KIAA1217: variants seen among roughly 807,000 people sequenced by gnomAD.
KIAA1217 encodes the protein KIAA1217, also known as sickle tail protein homolog.
In KIAA1217, 88 loss-of-function variants were observed where a neutral mutation model predicts 163.9. The observed-to-expected ratio is 0.54, with a 90% CI of 0.45 to 0.64. The LOEUF is 0.64. Among genes scored for constraint, KIAA1217 ranks in the 30% least tolerant of loss-of-function variants. KIAA1217 has a pLI of 0.00. For synonymous variants in KIAA1217, 903 were observed against 923.1 expected, an observed-to-expected ratio of 0.98 and a Z score of 0.39; for missense variants, 2,372 against 2,475.0, an observed-to-expected ratio of 0.96 and a Z score of 0.88.
At chr10:24,080,104 C>T (rs1385199392) in intron 2 of KIAA1217, among the ~76,000 whole-genome samples, 1 of 152,222 alleles carries the variant, frequency 6.6e-6, no homozygotes, top group Non-Finnish European at 1.5e-5. Flanking sequence ...TCAAATCCTT[C>T]TTCTATTTAA....
At chr10:23,790,517 A>G (rs921325696) in intron 1 of KIAA1217, among the ~76,000 whole-genome samples, 1 of 112,752 alleles carries the variant, frequency 8.9e-6, no homozygotes, top group Non-Finnish European at 1.7e-5. Context: ...ATACATATGT[A>G]TATATACATA....
At chr10:24,123,770 T>C (rs1371889966) in intron 2 of KIAA1217, among the ~76,000 whole-genome samples, 1 of 152,198 alleles carries the variant, frequency 6.6e-6, no homozygotes, top group Non-Finnish European at 1.5e-5. Context: ...TAAGATCCAC[T>C]GGTTTTGTAT....
At chr10:24,391,365 G>A (rs573738774) in intron 3 of KIAA1217, among the ~76,000 whole-genome samples, 1 of 86,030 alleles carries the variant, frequency 1.2e-5, no homozygotes, top group African/African-American at 5.1e-5. Flanking sequence ...TTTTTTGTGA[G>A]ACGGAGTTTT....
chr10:24,327,917 C>T lies in KIAA1217; in HGVS notation c.355-52952C>T, dbSNP rs78735215. ...TATCATTAACCCATTTTCTCCAGGC[C>T]CGGGATTCTGGGTCTGATGTTCTGG... is the stretch of plus-strand genomic sequence containing the variant. On this transcript the variant is annotated intron_variant, in intron 2 of 20. Coordinates refer to ENST00000376454, the MANE Select transcript of KIAA1217 (RefSeq NM_019590.5). 4.3e-3 allele frequency among the ~76,000 whole-genome samples: 659 copies of T among 152,232 alleles called. 5 individuals are homozygous for T. The highest frequency in any genetic ancestry group is 0.015 in the African/African-American group (623 of 41,538).
At chr10:23,984,462 A>G (rs1845891259) in intron 1 of KIAA1217, among the ~76,000 whole-genome samples, 1 of 152,220 alleles carries the variant, frequency 6.6e-6, no homozygotes, top group Non-Finnish European at 1.5e-5. Flanking sequence ...GCACATGCAT[A>G]AGTATGTTCA....
chr10:24,416,978 C>G (rs78528409), intron 3 of KIAA1217, among the ~76,000 whole-genome samples: 2,544 of 152,244 alleles, frequency 0.017, 31 homozygotes, highest in Non-Finnish European at 0.024. Flanking sequence ...GGACTTATAC[C>G]CCTAATCCCT....
chr10:24,374,758 C>T (rs1161363458), intron 2 of KIAA1217, among the ~76,000 whole-genome samples: 2 of 152,092 alleles, frequency 1.3e-5, no homozygotes, highest in African/African-American at 2.4e-5. Context: ...CATAGCTAAG[C>T]CTTGCTGTTC....
chr10:23,919,328 G>A lies in KIAA1217; in HGVS notation c.-320-87897G>A, dbSNP rs1044068267. On this transcript the variant is annotated intron_variant, in intron 1 of 18. Transcript: ENST00000376462. ...TCCTCTAAACCCCTAATCATCGACT[G>A]GGTGCAGTGGGTCACCCCTGTAATC... 2.6e-5 allele frequency among the ~76,000 whole-genome samples: 4 copies of A among 152,024 alleles called. No homozygotes were observed. In the South Asian group the frequency reaches 8.3e-4, roughly 32 times the overall value.
intron 2 of KIAA1217, among the ~76,000 whole-genome samples, chr10:24,230,373 C>T (rs2131067405): frequency 6.6e-6 from 1 of 152,084 alleles, no homozygotes; most frequent in African/African-American, 2.4e-5. Flanking sequence ...CTTTGAGTGT[C>T]ATGTTGGTAC....
intron 1 of KIAA1217, among the ~76,000 whole-genome samples, chr10:23,991,549 C>T (rs946141413): frequency 1.2e-4 from 18 of 152,162 alleles, no homozygotes; most frequent in Non-Finnish European, 2.1e-4. Flanking sequence ...AATCTCTATA[C>T]ACCGCCCTGG....
intron 1 of KIAA1217, among the ~76,000 whole-genome samples, chr10:23,748,334 G>A (rs12255408): frequency 0.017 from 2,585 of 151,626 alleles, 71 homozygotes; most frequent in African/African-American, 0.059. Flanking sequence ...GCAGCCTTCC[G>A]ATTGTAGATT....
chr10:24,172,490 A>G (rs977520667), intron 2 of KIAA1217, among the ~76,000 whole-genome samples: 2 of 152,192 alleles, frequency 1.3e-5, no homozygotes, highest in Admixed American at 6.5e-5. Flanking sequence ...ATCCTAGCTG[A>G]GTTACCTTAG....
At chr10:24,447,235 T>A (rs1300726924) in intron 5 of KIAA1217, among the ~76,000 whole-genome samples, 3 of 151,880 alleles carry the variant, frequency 2.0e-5, no homozygotes, top group African/African-American at 2.4e-5. Context: ...ATTTATATAT[T>A]TATTTATTTA....
At chr10:24,334,042 A>C (rs578043078) in intron 2 of KIAA1217, among the ~76,000 whole-genome samples, 7 of 152,200 alleles carry the variant, frequency 4.6e-5, no homozygotes, top group Non-Finnish European at 8.8e-5. Context: ...CATGGAGATA[A>C]GTTAGTGGGG....
rs117375577 is a variant in KIAA1217 at position 24,414,086 on chromosome 10, G to T, written c.554-18909G>T. On this transcript the variant is annotated intron_variant, in intron 3 of 20. Coordinates refer to ENST00000376454, the MANE Select transcript of KIAA1217 (RefSeq NM_019590.5). ...TAAGTGTGAAGTTTAATGCAATACTGTTTCTCTGTAAATCTAAAACAGTCC... is the reference window on the plus strand; with the variant it reads ...TAAGTGTGAAGTTTAATGCAATACTTTTTCTCTGTAAATCTAAAACAGTCC... Among the ~76,000 whole-genome samples, 636 of 152,278 alleles carry T rather than the reference G, an allele frequency of 4.2e-3. 1 individual carries two copies. The highest frequency in any genetic ancestry group is 5.7e-3 in the Non-Finnish European group (385 of 68,014).
intron 1 of KIAA1217, among the ~76,000 whole-genome samples, chr10:23,951,591 T>C (rs919642144): frequency 2.0e-5 from 3 of 152,096 alleles, no homozygotes; most frequent in Non-Finnish European, 2.9e-5. Flanking sequence ...ACGTGGAAGC[T>C]GCTGTGAGCC....
chr10:24,123,726 A>G (rs1239082691), intron 2 of KIAA1217, among the ~76,000 whole-genome samples: 1 of 152,172 alleles, frequency 6.6e-6, no homozygotes, highest in Non-Finnish European at 1.5e-5. Context: ...ATTTGTGTAA[A>G]GCTCCCCAGG....
chr10:24,223,850 G>A (rs1183844870), intron 2 of KIAA1217, among the ~76,000 whole-genome samples: 8 of 14,976 alleles, frequency 5.3e-4, no homozygotes, highest in South Asian at 3.2e-3. Context: ...CACCCACCCC[G>A]CCCACCCCCA....
At chr10:23,861,311 T>C (rs1291505556) in intron 1 of KIAA1217, among the ~76,000 whole-genome samples, 1 of 152,044 alleles carries the variant, frequency 6.6e-6, no homozygotes, top group African/African-American at 2.4e-5. Context: ...AAATTTCAAG[T>C]GAATTTGGAA....
Sources: gnomAD v4.1 joint callset for allele counts (sites outside exome capture counted in the v4.1 genomes callset) on GRCh38, gnomAD v4.1.1 for gene constraint, MANE v1.5 for transcripts, NCBI Gene and HGNC (gene_info 2026-07-23, HGNC 2026-07-21) for gene names.